The following CORO2B variants were observed in gnomAD, a reference collection of about 807,000 sequenced individuals.
CORO2B encodes coronin-2B.
A neutral mutation model predicts 58.8 loss-of-function variants in CORO2B; 26 were observed. That is an observed-to-expected ratio of 0.44 (90% confidence interval 0.32 to 0.61). The LOEUF is 0.61. Ranked by LOEUF, CORO2B falls within the 20% of genes least tolerant of loss-of-function variation. The pLI is 0.04. For missense variants in CORO2B, 460 were observed against 645.1 expected, an observed-to-expected ratio of 0.71 and a Z score of 3.11; for synonymous variants, 242 against 253.8, an observed-to-expected ratio of 0.95 and a Z score of 0.44.
intron 2 of CORO2B, among the ~76,000 whole-genome samples, chr15:68,685,044 A>C (rs145723342): frequency 6.6e-6 from 1 of 152,290 alleles, no homozygotes; most frequent in Non-Finnish European, 1.5e-5. Context: ...AACATCTTTC[A>C]TACTGAGGCT....
the CORO2B span, among the ~76,000 whole-genome samples, chr15:68,553,900 G>A: frequency 4.6e-5 from 7 of 152,238 alleles, no homozygotes; most frequent in African/African-American, 1.7e-4. Flanking sequence ...AGAGCAATGG[G>A]GAGCCATTGA....
chr15:68,576,153 A>AAC, upstream of CORO2B, among the ~76,000 whole-genome samples: 1 of 19,418 alleles, frequency 5.1e-5, no homozygotes, highest in Non-Finnish European at 1.4e-4. Context: ...ACTACGTCGC[A>AAC]AAAAAAAAAA....
chr15:68,651,563 G>T (rs549674375), intron 2 of CORO2B, among the ~76,000 whole-genome samples: 7 of 152,186 alleles, frequency 4.6e-5, no homozygotes, highest in Non-Finnish European at 1.0e-4. Flanking sequence ...CACTTGGAGC[G>T]TTAGTTATAA....
intron 1 of CORO2B, among the ~76,000 whole-genome samples, chr15:68,623,780 G>A (rs951309447): frequency 1.3e-5 from 2 of 152,192 alleles, no homozygotes; most frequent in Admixed American, 6.5e-5. Context: ...GGTAATCCCC[G>A]TTTGTGCCAC....
chr15:68,691,843 C>T (rs1156759133), intron 2 of CORO2B, among the ~76,000 whole-genome samples: 1 of 152,100 alleles, frequency 6.6e-6, no homozygotes, highest in Admixed American at 6.5e-5. Context: ...TGGCTAGAAG[C>T]TCCTGTTATC....
At chr15:68,547,263 C>T in the CORO2B span, among the ~76,000 whole-genome samples, 2 of 152,128 alleles carry the variant, frequency 1.3e-5, no homozygotes, top group Non-Finnish European at 1.5e-5. Context: ...CATAGAGAAA[C>T]TCAACTGTTC....
chr15:68,715,096 G>T (rs887749645), intron 7 of CORO2B, 119 bp from the exon 8 acceptor site: 9 of 914,400 alleles, frequency 9.8e-6, no homozygotes, highest in East Asian at 7.2e-5. Context: ...GGTTTCCTTG[G>T]TTTTTTTAAC....
At chr15:68,692,460 G>A (rs1358676965) in intron 2 of CORO2B, among the ~76,000 whole-genome samples, 3 of 151,592 alleles carry the variant, frequency 2.0e-5, no homozygotes, top group Non-Finnish European at 4.4e-5. Flanking sequence ...TGGCTGACAC[G>A]TGTAGTCCCA....
intron 2 of CORO2B, among the ~76,000 whole-genome samples, chr15:68,668,063 C>G (rs889854541): frequency 1.3e-5 from 2 of 152,234 alleles, no homozygotes; most frequent in Non-Finnish European, 2.9e-5. Flanking sequence ...CCTGGTGCCA[C>G]TGAATACTCA....
chr15:68,664,195 T>C (rs1243759949), intron 2 of CORO2B, among the ~76,000 whole-genome samples: 1 of 152,232 alleles, frequency 6.6e-6, no homozygotes, highest in Admixed American at 6.5e-5. Flanking sequence ...TCTGTAATTT[T>C]TTTTTTGGAT....
chr15:68,686,151 C>A (rs1902972022), intron 2 of CORO2B, among the ~76,000 whole-genome samples: 1 of 151,576 alleles, frequency 6.6e-6, no homozygotes, highest in Non-Finnish European at 1.5e-5. Flanking sequence ...ATTCTCCTGC[C>A]TCAGCCTCCC....
In CORO2B at chr15:68,669,090, AGAAG is replaced by A. The variant is rs1007335679; in HGVS notation, c.216+23749_216+23752del. Reference sequence around the variant, plus strand: ...GAGAAAGAGAGAGAGAGAGAGAGAAAGAAGGAAGGAAGGAAGGAAGGAGGGAAGG... The same window carrying A: ...GAGAAAGAGAGAGAGAGAGAGAGAAAGAAGGAAGGAAGGAAGGAGGGAAGG... On this transcript the variant is annotated intron_variant, in intron 2 of 11. Coordinates refer to ENST00000261861, the MANE Select transcript of CORO2B (RefSeq NM_006091.5). Among the ~76,000 whole-genome samples, 256 of 151,246 alleles carry A rather than the reference AGAAG, an allele frequency of 1.7e-3. 3 individuals carry two copies. In the East Asian group the frequency reaches 0.031, roughly 18 times the overall value.
chr15:68,554,551 G>T, the CORO2B span, among the ~76,000 whole-genome samples: 2 of 152,240 alleles, frequency 1.3e-5, no homozygotes, highest in East Asian at 3.9e-4. Flanking sequence ...GAGGTCCTAT[G>T]ACTGCTGAAC....
chr15:68,708,015 G>A (rs1892822499), intron 3 of CORO2B, among the ~76,000 whole-genome samples: 2 of 152,054 alleles, frequency 1.3e-5, no homozygotes, highest in Admixed American at 6.5e-5. Flanking sequence ...GCCACCAAAG[G>A]GGATGACAAT....
At chr15:68,644,362 C>T (rs1315891074) in intron 1 of CORO2B, among the ~76,000 whole-genome samples, 2 of 152,194 alleles carry the variant, frequency 1.3e-5, no homozygotes, top group Non-Finnish European at 2.9e-5. Context: ...ACCCAGTAAT[C>T]AGCATTTCTT....
In CORO2B at chr15:68,645,913, G is replaced by A. The variant is rs569374608; in HGVS notation, c.216+553G>A. ...CTCAGCCTCCCGAGAAGCTGGGATT[G>A]CAGGCACGTGCCACCACGCCCAGCT... On this transcript the variant is annotated intron_variant, in intron 2 of 11. Coordinates refer to ENST00000261861, the MANE Select transcript of CORO2B (RefSeq NM_006091.5). The surrounding 1 kb of genome is among the most constrained non-coding windows in gnomAD (Gnocchi z 4.5). Among the ~76,000 whole-genome samples the A allele has an allele frequency of 1.6e-4, 24 of 151,826 alleles. No homozygotes were observed. The highest frequency in any genetic ancestry group is 2.6e-4 in the Non-Finnish European group (18 of 67,970).
At chr15:68,686,060 G>T (rs1436811864) in intron 2 of CORO2B, among the ~76,000 whole-genome samples, 1 of 134,716 alleles carries the variant, frequency 7.4e-6, no homozygotes, top group South Asian at 2.4e-4. Context: ...TTTTTGAGAC[G>T]GAGTTTTACT....
At position 68,685,259 on chromosome 15, in the gene CORO2B, G is replaced by A. The variant is rs1226200326; in HGVS notation, c.217-9881G>A. Among the ~76,000 whole-genome samples the A allele has an allele frequency of 3.9e-5, 6 of 152,220 alleles. No individual in the cohort carries two copies. In the East Asian group the frequency reaches 1.2e-3, roughly 29 times the overall value. On this transcript the variant is annotated intron_variant, in intron 2 of 11. Coordinates refer to ENST00000261861, the MANE Select transcript of CORO2B (RefSeq NM_006091.5). The stretch of plus-strand genomic sequence containing the variant: ...ACAGTCTTACTTTGTTGCCCAGGCT[G>A]GAGTGCAGGGGTGCAATCTCCGCTC...
At chr15:68,539,277 A>G in the CORO2B span, among the ~76,000 whole-genome samples, 1 of 152,200 alleles carries the variant, frequency 6.6e-6, no homozygotes, top group African/African-American at 2.4e-5. Context: ...AAAGAAAACT[A>G]TTTAATGGGC....
Sources: allele counts gnomAD v4.1 joint callset (sites outside exome capture counted in the v4.1 genomes callset), GRCh38; gene constraint gnomAD v4.1.1; non-coding constraint Gnocchi (gnomAD v3.1); transcripts MANE v1.5; gene names NCBI Gene and HGNC (gene_info 2026-07-23, HGNC 2026-07-21).